NCOR2: variants seen among roughly 807,000 people sequenced by gnomAD.
The protein encoded by NCOR2 is CTG repeat protein 26.
Under a neutral mutation model 262.9 loss-of-function variants are expected in NCOR2, and 81 were observed. That is an observed-to-expected ratio of 0.31 (90% CI 0.26 to 0.37). NCOR2 has a LOEUF of 0.37. NCOR2 is among the 10% of genes least tolerant of loss of function. The pLI is 1.00. For missense variants in NCOR2, 3,385 were observed against 3,621.4 expected (o/e 0.93, Z 1.68); for synonymous variants, 1,659 against 1,559.3 (o/e 1.06, Z -1.51).
chr12:124,389,064 A>T lies in NCOR2; in HGVS notation c.1877-3177T>A, dbSNP rs1180677475. Among the ~76,000 whole-genome samples, 1 of 151,976 alleles carries T rather than the reference A, an allele frequency of 6.6e-6. No homozygotes were observed. The highest frequency in any genetic ancestry group is 1.5e-5 in the Non-Finnish European group (1 of 67,984). On this transcript the variant is annotated intron_variant, in intron 16 of 46. Transcript: ENST00000405201. This position sits in a 1 kb window ranked among gnomAD's most constrained non-coding sequence, Gnocchi z 4.4. ...TGGGCGCGCGAGGTGCCCTTCCCCG[A>T]GGGTGGTGGGTGGCGGGAAGTTGTC...
At chr12:124,325,794 C>T (rs910445202) in intron 46 of NCOR2, among the ~76,000 whole-genome samples, 1 of 152,188 alleles carries the variant, frequency 6.6e-6, no homozygotes, top group African/African-American at 2.4e-5. Flanking sequence ...CTGTCTTTTG[C>T]CTGGACTATA....
intron 44 of NCOR2, 47 bp from the exon 47 acceptor site, chr12:124,327,680 AG>A (rs1456085848): frequency 1.0e-6 from 1 of 977,374 alleles, no homozygotes. Flanking sequence ...GGGGCCGGGG[AG>A]GGGGAGCCAG....
intron 3 of NCOR2, 49 bp from the exon 6 acceptor site, chr12:124,473,180 C>A (rs749233005): frequency 6.2e-6 from 10 of 1,601,148 alleles, no homozygotes; most frequent in Non-Finnish European, 8.5e-6. Flanking sequence ...GGACACCCCC[C>A]AGTCTGTACA....
chr12:124,392,777 C>G (rs949448931), intron 16 of NCOR2, among the ~76,000 whole-genome samples: 1 of 152,248 alleles, frequency 6.6e-6, no homozygotes, highest in Non-Finnish European at 1.5e-5. Context: ...ATGCCTTAGA[C>G]GCTTCATCTA....
Position 124,454,396 on chromosome 12 carries a change from T to A in NCOR2, c.762+2710A>T, listed in dbSNP as rs1229684093. ...GATCCCCAAGTGGAAGACAACCCCG[T>A]CCCCTTGTCTCCAAAGAACCAGAGA... On this transcript the variant is annotated intron_variant, in intron 6 of 46. Coordinates refer to ENST00000405201, the Ensembl canonical transcript of NCOR2. The surrounding 1 kb of genome is among the most constrained non-coding windows in gnomAD (Gnocchi z 5.6). Among the ~76,000 whole-genome samples, 2 of 152,076 alleles carry A rather than the reference T, an allele frequency of 1.3e-5. No homozygotes were observed. The highest frequency in any genetic ancestry group is 2.9e-5 in the Non-Finnish European group (2 of 68,008).
chr12:124,355,718 G>A, intron 23 of NCOR2, 147 bp from the exon 26 acceptor site: 1 of 1,223,366 alleles, frequency 8.2e-7, no homozygotes. Flanking sequence ...GCCTGGCTCT[G>A]TCCTCATTAG....
At chr12:124,420,021 G>C (rs1230976926) in exon 13 of NCOR2, 2 of 1,613,762 alleles carry the variant, frequency 1.2e-6, no homozygotes, top group Non-Finnish European at 1.7e-6. Flanking sequence ...ATTCTTCTTA[G>C]TCAGGTAGTA....
intron 30 of NCOR2, 34 bp downstream of exon 32, chr12:124,347,791 G>A (rs2037068238): frequency 6.5e-7 from 1 of 1,550,070 alleles, no homozygotes; most frequent in Non-Finnish European, 8.7e-7. Flanking sequence ...TACACCCGTT[G>A]GGGGCAACGA....
At position 124,350,635 on chromosome 12, in the gene NCOR2, C is replaced by T. The variant is rs369217542; in HGVS notation, c.3796G>A (p.Gly1266Ser). 5.5e-5 allele frequency: 88 copies of T among 1,614,014 alleles called. No homozygotes were observed. Among genetic ancestry groups the T allele is most frequent in the Non-Finnish European group, 6.8e-5 (80 of 1,180,018 alleles). Residue 1266 changes from glycine (G) to serine (S), a missense_variant, in exon 28 of 47, where the codon GGC becomes AGC. Around this residue, in one of 5 missense-constraint regions of NCOR2, gnomAD observed 1,615 missense variants for 1,626.9 expected, o/e 0.99. Coordinates refer to ENST00000405201, the Ensembl canonical transcript of NCOR2. ...TTCTTGCCTTCGTAGATGACGTGGC[C>T]CTTGGGCAGGCTGTCCTCCCGGCCG...
chr12:124,329,240 T>C, intron 44 of NCOR2: 1 of 438,502 alleles, frequency 2.3e-6, no homozygotes, highest in Non-Finnish European at 4.6e-6. Flanking sequence ...TGTGGGTGGA[T>C]CATCTGACGT....
At chr12:124,428,250 G>C (rs887855564) in intron 10 of NCOR2, among the ~76,000 whole-genome samples, 2 of 152,232 alleles carry the variant, frequency 1.3e-5, no homozygotes, top group Admixed American at 6.5e-5. Context: ...GGGCTGACAC[G>C]GCCCAGCTCC....
In NCOR2 at chr12:124,473,086, G is replaced by A. The variant is rs755303590; in HGVS notation, c.457C>T (p.Pro153Ser). 4.8e-5 allele frequency: 77 copies of A among 1,613,910 alleles called. No homozygotes were observed. The highest frequency in any genetic ancestry group is 2.7e-5 in the African/African-American group (2 of 74,922). ...TCCAGCTCAGGGTCAGTGTGCGGGG[G>A]GCTGGGGGGAGACACCGGTTCCAGC... is the stretch of plus-strand genomic sequence containing the variant. Residue 153 changes from proline to serine, a missense_variant, in exon 4 of 47, where the codon CCC (proline) becomes TCC (serine). This residue lies in a region of NCOR2 where 237 missense variants were observed against 229.4 expected (regional missense o/e 1.03). Coordinates refer to ENST00000405201, the Ensembl canonical transcript of NCOR2.
chr12:124,511,619 G>A (rs112652271), intron 1 of NCOR2, among the ~76,000 whole-genome samples: 402 of 152,306 alleles, frequency 2.6e-3, no homozygotes, highest in African/African-American at 9.4e-3. Context: ...AACAGCAGGC[G>A]GCAGGTGGGG....
chr12:124,471,970 G>A (rs1227602698), intron 4 of NCOR2, among the ~76,000 whole-genome samples: 1 of 152,252 alleles, frequency 6.6e-6, no homozygotes, highest in African/African-American at 2.4e-5. Context: ...CAGAAAAGCA[G>A]TCATATAAAC....
At chr12:124,341,369 A>G (rs1473969289) in intron 34 of NCOR2, among the ~76,000 whole-genome samples, 1 of 152,004 alleles carries the variant, frequency 6.6e-6, no homozygotes, top group Non-Finnish European at 1.5e-5. Context: ...CCTAGTGAGT[A>G]GCTGGGACTA....
intron 1 of NCOR2, among the ~76,000 whole-genome samples, chr12:124,558,819 T>G (rs1252037701): frequency 6.6e-6 from 1 of 152,074 alleles, no homozygotes; most frequent in Non-Finnish European, 1.5e-5. Context: ...TGAATGCCCT[T>G]CACTTCACAG....
At position 124,482,526 on chromosome 12, in the gene NCOR2, G is replaced by C. The variant is rs1354348004; in HGVS notation, c.411+1070C>G. 1.3e-5 allele frequency among the ~76,000 whole-genome samples: 2 copies of C among 152,188 alleles called. No homozygotes were observed. The highest frequency in any genetic ancestry group is 2.9e-5 in the Non-Finnish European group (2 of 68,018). On this transcript the variant is annotated intron_variant, in intron 3 of 46. Coordinates refer to ENST00000405201, the Ensembl canonical transcript of NCOR2. The surrounding 1 kb of genome is among the most constrained non-coding windows in gnomAD (Gnocchi z 6.3). ...GTGCCAAATAGTTCCCACGCATGGGGCCCACAGCCGAGCCCTCTACCCACA... is the reference window on the plus strand; with the variant it reads ...GTGCCAAATAGTTCCCACGCATGGGCCCCACAGCCGAGCCCTCTACCCACA...
chr12:124,364,208 G>A (rs185837776), intron 20 of NCOR2, among the ~76,000 whole-genome samples: 33 of 152,356 alleles, frequency 2.2e-4, no homozygotes, highest in Admixed American at 1.2e-3. Flanking sequence ...CACACCACAC[G>A]TGGCCCTTCC....
intron 16 of NCOR2, among the ~76,000 whole-genome samples, chr12:124,387,766 C>T (rs979394512): frequency 6.6e-5 from 10 of 152,342 alleles, no homozygotes; most frequent in East Asian, 1.9e-4. Flanking sequence ...GACAGGGCCG[C>T]GCGTTTATTT....
Sources: allele counts gnomAD v4.1 joint callset (sites outside exome capture counted in the v4.1 genomes callset), GRCh38; gene constraint gnomAD v4.1.1; regional missense constraint gnomAD v4.1.1; non-coding constraint Gnocchi (gnomAD v3.1); transcripts MANE v1.5; gene names NCBI Gene and HGNC (gene_info 2026-07-23, HGNC 2026-07-21).